Variants in BRINP1 observed in about 807,000 individuals in gnomAD.
BRINP1 encodes BMP/retinoic acid inducible neural specific 1, also known as BMP/retinoic acid-inducible neural-specific protein 1.
A neutral mutation model predicts 72.9 loss-of-function variants in BRINP1; 17 were observed. That is an observed-to-expected ratio of 0.23 (90% CI 0.16 to 0.35). BRINP1 has a LOEUF of 0.35. Ranked by LOEUF, BRINP1 falls within the 10% of genes least tolerant of loss-of-function variation. The pLI, the probability that BRINP1 is intolerant of heterozygous loss-of-function variation, is 1.00. For missense variants in BRINP1, 850 were observed against 1,001.6 expected (o/e 0.85, Z 2.04); for synonymous variants, 418 against 378.5 (o/e 1.10, Z -1.21).
chr9:119,175,274 G>A (rs1829472867), intron 7 of BRINP1, among the ~76,000 whole-genome samples: 1 of 149,916 alleles, frequency 6.7e-6, no homozygotes, highest in Non-Finnish European at 1.5e-5. Context: ...CATAAGAACA[G>A]AAAACAAAAC....
intron 2 of BRINP1, among the ~76,000 whole-genome samples, chr9:119,268,289 T>TAGATAGATAGAC (rs1554752353): frequency 6.6e-4 from 98 of 148,706 alleles, no homozygotes; most frequent in South Asian, 2.0e-3. Flanking sequence ...GATAGATAGA[T>TAGATAGATAGAC]AGATAGATAG....
At chr9:119,350,895 T>A (rs1042322721) in intron 1 of BRINP1, among the ~76,000 whole-genome samples, 2 of 149,630 alleles carry the variant, frequency 1.3e-5, no homozygotes, top group African/African-American at 5.1e-5. Flanking sequence ...CACAAGTGTA[T>A]TTATGTCTTT....
intron 3 of BRINP1, among the ~76,000 whole-genome samples, chr9:119,245,627 C>T (rs964002332): frequency 1.1e-4 from 16 of 152,158 alleles, no homozygotes; most frequent in Non-Finnish European, 2.1e-4. Flanking sequence ...TTTGTTGGCC[C>T]TCCCATCACC....
At chr9:119,202,110 G>T (rs183292945) in intron 7 of BRINP1, among the ~76,000 whole-genome samples, 1 of 152,096 alleles carries the variant, frequency 6.6e-6, no homozygotes, top group African/African-American at 2.4e-5. Context: ...GATTCTGGTG[G>T]GCTTGAAGCC....
At chr9:119,323,949 C>A (rs756310065) in intron 1 of BRINP1, among the ~76,000 whole-genome samples, 1 of 86,608 alleles carries the variant, frequency 1.2e-5, no homozygotes, top group Non-Finnish European at 3.3e-5. Context: ...TAGAGGTGAA[C>A]CCCCCAAATT....
rs10984474 is a variant in BRINP1 at position 119,304,438 on chromosome 9, G to C, written c.218+8700C>G. 3.9e-5 allele frequency among the ~76,000 whole-genome samples: 6 copies of C among 152,252 alleles called. No individual in the cohort carries two copies. In the East Asian group the frequency reaches 1.2e-3, roughly 30 times the overall value. ...GGAAGCTTCCATCAAGGTGAGCGGG[G>C]AAGAGTCAGGTATAGATAAAGGGTG... On this transcript the variant is annotated intron_variant, in intron 2 of 7. Coordinates refer to ENST00000265922, the MANE Select transcript of BRINP1 (RefSeq NM_014618.3).
chr9:119,355,544 T>A (rs375531094), intron 1 of BRINP1, among the ~76,000 whole-genome samples: 19 of 152,016 alleles, frequency 1.2e-4, no homozygotes, highest in Non-Finnish European at 2.2e-4. Flanking sequence ...CTGGCTAACA[T>A]GGTAAAACCC....
intron 1 of BRINP1, among the ~76,000 whole-genome samples, chr9:119,334,713 T>G (rs932231076): frequency 6.6e-6 from 1 of 150,436 alleles, no homozygotes; most frequent in Non-Finnish European, 1.5e-5. Context: ...CCAAGAATCA[T>G]AGTACTTGTC....
At chr9:119,197,480 GTAT>G (rs1829751372) in intron 7 of BRINP1, among the ~76,000 whole-genome samples, 1 of 152,136 alleles carries the variant, frequency 6.6e-6, no homozygotes, top group African/African-American at 2.4e-5. Context: ...TGTATGACAG[GTAT>G]TATTATCATC....
At chr9:119,259,264 C>T (rs1302120813) in intron 2 of BRINP1, among the ~76,000 whole-genome samples, 1 of 152,162 alleles carries the variant, frequency 6.6e-6, no homozygotes, top group Non-Finnish European at 1.5e-5. Flanking sequence ...CTCAGCATCT[C>T]TGAGCTTCTT....
chr9:119,187,110 G>C (rs970944386), intron 7 of BRINP1, among the ~76,000 whole-genome samples: 5 of 151,694 alleles, frequency 3.3e-5, no homozygotes, highest in Non-Finnish European at 2.9e-5. Context: ...GAAGTGCCTT[G>C]GAATCGTAAT....
chr9:119,242,938 A>T (rs1362597009), intron 3 of BRINP1, among the ~76,000 whole-genome samples: 1 of 151,686 alleles, frequency 6.6e-6, no homozygotes, highest in Non-Finnish European at 1.5e-5. Flanking sequence ...AGCTGCCTCT[A>T]TTCTCTATCA....
chr9:119,354,509 G>A (rs1049018428), intron 1 of BRINP1, among the ~76,000 whole-genome samples: 1 of 152,028 alleles, frequency 6.6e-6, no homozygotes, highest in African/African-American at 2.4e-5. Context: ...AATCTCCATC[G>A]AATCTCAGGC....
At chr9:119,266,209 A>T (rs1041446185) in intron 2 of BRINP1, among the ~76,000 whole-genome samples, 1 of 152,166 alleles carries the variant, frequency 6.6e-6, no homozygotes, top group African/African-American at 2.4e-5. Context: ...TAGAGGCACA[A>T]TCTGTTCCAG....
chr9:119,242,920 C>G (rs1204345817), intron 3 of BRINP1, among the ~76,000 whole-genome samples: 1 of 152,014 alleles, frequency 6.6e-6, no homozygotes, highest in Admixed American at 6.6e-5. Flanking sequence ...AGAAAGGAAG[C>G]TCCAGGGAGC....
At chr9:119,268,526 G>T (rs1349226695) in intron 2 of BRINP1, among the ~76,000 whole-genome samples, 1 of 152,120 alleles carries the variant, frequency 6.6e-6, no homozygotes, top group Non-Finnish European at 1.5e-5. Flanking sequence ...CACCATGAAA[G>T]CTCAAGGCAA....
intron 5 of BRINP1, among the ~76,000 whole-genome samples, chr9:119,231,750 C>G (rs1362107060): frequency 6.6e-6 from 1 of 151,998 alleles, no homozygotes; most frequent in East Asian, 1.9e-4. Context: ...ATTCTATACT[C>G]TCTTGTCTCT....
In BRINP1 at chr9:119,173,836, C is replaced by T. The variant is rs370927591; in HGVS notation, c.1146-5612G>A. The stretch of plus-strand genomic sequence containing the variant: ...AGAACAGAGCCCTCAGAAATAATGC[C>T]GCATATCTACAACTATCTGATCTTT... On this transcript the variant is annotated intron_variant, in intron 7 of 7. Transcript: ENST00000265922. Among the ~76,000 whole-genome samples the T allele has an allele frequency of 1.9e-3, 269 of 141,624 alleles. 3 individuals are homozygous for T. The highest frequency in any genetic ancestry group is 9.4e-3 in the East Asian group (48 of 5,080). 92.9% of individuals were successfully genotyped at this position (141,624 alleles called of 152,430 possible). A position where few individuals can be genotyped will look rare whatever the true frequency, so the allele number is the denominator to read the frequency against.
At chr9:119,180,450 A>G (rs1829541325) in intron 7 of BRINP1, among the ~76,000 whole-genome samples, 1 of 150,012 alleles carries the variant, frequency 6.7e-6, no homozygotes, top group Admixed American at 6.7e-5. Context: ...GCTGTTCTTT[A>G]GTTGTGCTGT....
Sources: allele counts gnomAD v4.1 joint callset (sites outside exome capture counted in the v4.1 genomes callset), GRCh38; gene constraint gnomAD v4.1.1; transcripts MANE v1.5; gene names NCBI Gene and HGNC (gene_info 2026-07-23, HGNC 2026-07-21).